DNMT1: variants seen among roughly 807,000 people sequenced by gnomAD.
DNMT1 encodes DNA methyltransferase 1.
DNMT1 carries 24 observed loss-of-function variants against 205.3 expected under a neutral mutation model. The observed-to-expected ratio is 0.12, with a 90% CI of 0.08 to 0.16. The LOEUF (loss-of-function observed/expected upper bound fraction) is 0.16, where lower values mean the gene tolerates loss of function less well. Among genes scored for constraint, DNMT1 ranks in the 10% least tolerant of loss-of-function variants. DNMT1 has a pLI of 1.00. For synonymous variants in DNMT1, 817 were observed against 839.8 expected, an observed-to-expected ratio of 0.97 and a Z score of 0.47; for missense variants, 1,293 against 2,177.7, an observed-to-expected ratio of 0.59 and a Z score of 8.09.
chr19:10,134,026 C>T (rs568324406), intron 40 of DNMT1, among the ~76,000 whole-genome samples, 191 bp downstream of exon 40: 7 of 152,356 alleles, frequency 4.6e-5, no homozygotes, highest in Non-Finnish European at 7.3e-5. Flanking sequence ...GTGCAGCACG[C>T]CTGCTCTAAG....
Position 10,137,749 on chromosome 19 carries a change from C to G in DNMT1, c.4293+83G>C. The G allele has an allele frequency of 6.5e-7, 1 of 1,543,280 alleles. No homozygotes were observed. The highest frequency in any genetic ancestry group is 1.2e-5 in the South Asian group (1 of 85,090). On this transcript the variant is annotated intron_variant, in intron 36 of 40. Coordinates refer to ENST00000359526, the MANE Select transcript of DNMT1 (RefSeq NM_001130823.3). The surrounding 1 kb of genome is among the most constrained non-coding windows in gnomAD (Gnocchi z 6.4). ...CCTGGGATCAGATTCCATGTCTCCCCTGAGTCTTGGGCAGGCTGACTGTTC... is the reference window on the plus strand; with the variant it reads ...CCTGGGATCAGATTCCATGTCTCCCGTGAGTCTTGGGCAGGCTGACTGTTC...
At chr19:10,187,845 A>G (rs1599408025) in intron 1 of DNMT1, among the ~76,000 whole-genome samples, 2 of 151,948 alleles carry the variant, frequency 1.3e-5, no homozygotes, top group African/African-American at 4.8e-5. Context: ...TCTACAAAAA[A>G]TAGTAATTAG....
At position 10,149,932 on chromosome 19, in the gene DNMT1, T is replaced by C. The variant is rs1272046307; in HGVS notation, c.2302A>G (p.Ile768Val). 1.9e-6 allele frequency: 3 copies of C among 1,614,200 alleles called. No individual in the cohort carries two copies. The highest frequency in any genetic ancestry group is 1.1e-5 in the South Asian group (1 of 91,090). ...GKKSYYKKVCIDAETLEVGDC... is the reference protein window; with the variant it reads ...GKKSYYKKVCVDAETLEVGDC... ...CCCACTTCCAGGGTTTCCGCATCAA[T>C]GCACACCTTCTTATAGTAACTCTTC... The change falls in exon 25 of 41, where the codon ATT becomes GTT. Residue 768 changes from isoleucine (I) to valine (V), a missense_variant. Physicochemically the swap from Ile to Val is conservative, Grantham distance 29. This residue lies in a region of DNMT1 where 197 missense variants were observed against 353.6 expected (regional missense o/e 0.56). Transcript: ENST00000359526.
chr19:10,168,861 G>A (rs560907831), intron 9 of DNMT1, among the ~76,000 whole-genome samples: 16 of 152,156 alleles, frequency 1.1e-4, no homozygotes, highest in African/African-American at 1.7e-4. Context: ...TTTATGAGAC[G>A]GAGTCTCACT....
intron 1 of DNMT1, among the ~76,000 whole-genome samples, chr19:10,189,872 G>A (rs965810965): frequency 6.6e-6 from 1 of 152,134 alleles, no homozygotes; most frequent in Non-Finnish European, 1.5e-5. Flanking sequence ...GAAGGGCTTT[G>A]GACAGGTGCT....
At chr19:10,178,766 A>G (rs558307396) in intron 5 of DNMT1, 1 of 151,940 alleles carries the variant, frequency 6.6e-6, no homozygotes, top group Non-Finnish European at 1.5e-5. Context: ...AATAAAACAA[A>G]ATAAAAATGA....
rs753326577 is a variant in DNMT1, at chr19:10,154,339, T to C, written c.1973A>G (p.Glu658Gly). Residue 658 changes from glutamate to glycine, a missense_variant, in exon 22 of 41, where the codon GAA (glutamate) becomes GGA (glycine). Physicochemically the swap from Glu to Gly is moderately conservative, Grantham distance 98. This residue lies in a region of DNMT1 where 197 missense variants were observed against 353.6 expected (regional missense o/e 0.56). Transcript: ENST00000359526. This position sits in a 1 kb window ranked among gnomAD's most constrained non-coding sequence, Gnocchi z 6.3. ...GCGCTTAAAGGCGTTCTCCTTGTCT[T>C]CTCTGTCATCCTTTTCAATTTGCTC... ...FAEQIEKDDR[E>G]DKENAFKRRR... 1 of 1,614,208 alleles carries C rather than the reference T, an allele frequency of 6.2e-7. No homozygotes were observed. Among genetic ancestry groups the C allele is most frequent in the Non-Finnish European group, 8.5e-7 (1 of 1,180,030 alleles).
rs2038222977 is a variant in DNMT1, at chr19:10,147,342, A to AG, written c.2721-819dup. On this transcript the variant is annotated intron_variant, in intron 27 of 40. Transcript: ENST00000359526. ...ATAAGTAAATGAGGTTGGGTGCAGTAGTTCATGCCTGTAATCCCAGCACTT... is the reference window on the plus strand; with the variant it reads ...ATAAGTAAATGAGGTTGGGTGCAGTAGGTTCATGCCTGTAATCCCAGCACTT... Among the ~76,000 whole-genome samples, 2 of 151,950 alleles carry AG rather than the reference A, an allele frequency of 1.3e-5. 1 individual carries two copies. Among genetic ancestry groups the AG allele is most frequent in the South Asian group, 4.1e-4 (2 of 4,820 alleles).
intron 14 of DNMT1, 65 bp downstream of exon 14, chr19:10,160,319 T>C: frequency 6.2e-7 from 1 of 1,607,424 alleles, no homozygotes; most frequent in Admixed American, 1.7e-5. Context: ...CCCTTCCCTT[T>C]TGTTCTAGAA....
chr19:10,188,247 A>G (rs1482973452), intron 1 of DNMT1, among the ~76,000 whole-genome samples: 3 of 152,160 alleles, frequency 2.0e-5, no homozygotes, highest in Non-Finnish European at 4.4e-5. Flanking sequence ...CAGTAGGCAA[A>G]AGAGTAGACC....
intron 12 of DNMT1, 71 bp downstream of exon 12, chr19:10,163,255 C>T (rs1333614630): frequency 3.8e-6 from 6 of 1,559,326 alleles, no homozygotes; most frequent in Non-Finnish European, 5.3e-6. Context: ...GTGCAAGCCA[C>T]CACACCTGGC....
intron 37 of DNMT1, 94 bp downstream of exon 37, chr19:10,136,991 G>A: frequency 6.6e-7 from 1 of 1,509,126 alleles, no homozygotes; most frequent in South Asian, 1.2e-5. Context: ...GTGTGTCTGT[G>A]CCCTGCCCTG....
Position 10,141,200 on chromosome 19 carries a change from G to C in DNMT1, c.3310-11C>G. ...CTTTGCATTATAGGCCTGAAAAGGAGAGAACTGCAATCGTTTGGGAGAGAA... is the reference window on the plus strand; with the variant it reads ...CTTTGCATTATAGGCCTGAAAAGGACAGAACTGCAATCGTTTGGGAGAGAA... On this transcript the variant is annotated splice_polypyrimidine_tract_variant and intron_variant, in intron 30 of 40. Transcript: ENST00000359526. The C allele has an allele frequency of 6.2e-7, 1 of 1,613,712 alleles. No homozygotes were observed. Among genetic ancestry groups the C allele is most frequent in the South Asian group, 1.1e-5 (1 of 91,058 alleles).
chr19:10,156,239 C>A lies in DNMT1; in HGVS notation c.1399+152G>T. The A allele has an allele frequency of 1.5e-6, 1 of 645,382 alleles. No individual in the cohort carries two copies. Among genetic ancestry groups the A allele is most frequent in the Non-Finnish European group, 2.8e-6 (1 of 357,310 alleles). The allele number at this position is 645,382 out of a possible 1,614,324, so 40.0% of individuals were successfully genotyped here. Reference sequence around the variant, plus strand: ...TATATTTTTTTTTAATAGAGGCAGGCTCTTGCTATGTTGTCCAGGCTCGTC... The same window carrying A: ...TATATTTTTTTTTAATAGAGGCAGGATCTTGCTATGTTGTCCAGGCTCGTC... On this transcript the variant is annotated intron_variant, in intron 18 of 40. Coordinates refer to ENST00000359526, the MANE Select transcript of DNMT1 (RefSeq NM_001130823.3). The surrounding 1 kb of genome is among the most constrained non-coding windows in gnomAD (Gnocchi z 4.2).
In DNMT1 at chr19:10,148,970, G is replaced by C. The variant is rs983707467; in HGVS notation, c.2634C>G (p.Thr878=). 1 of 1,614,134 alleles carries C rather than the reference G, an allele frequency of 6.2e-7. No homozygotes were observed. Among genetic ancestry groups the C allele is most frequent in the East Asian group, 2.2e-5 (1 of 44,890 alleles). Reference sequence around the variant, plus strand: ...GATCATACCACAGCTGGTAGAAGTAGGTCTTCCCGTCGTCCCCCTCCAGCA... The same window carrying C: ...GATCATACCACAGCTGGTAGAAGTACGTCTTCCCGTCGTCCCCCTCCAGCA... ...ESLLEGDDGK[T]YFYQLWYDQD... is the part of the protein sequence containing the mutation. The change falls in exon 27 of 41, where the codon ACC becomes ACG. Residue 878 remains threonine, a synonymous_variant. Coordinates refer to ENST00000359526, the MANE Select transcript of DNMT1 (RefSeq NM_001130823.3).
chr19:10,152,622 A>G (rs2038371998), intron 22 of DNMT1, among the ~76,000 whole-genome samples: 1 of 152,056 alleles, frequency 6.6e-6, no homozygotes, highest in African/African-American at 2.4e-5. Flanking sequence ...TTAGCTGGGC[A>G]TGGTGGCGTG....
chr19:10,164,913 T>TAAAA lies in DNMT1; in HGVS notation c.892-1557_892-1554dup, dbSNP rs535161745. Among the ~76,000 whole-genome samples the TAAAA allele has an allele frequency of 2.3e-4, 8 of 34,046 alleles. 1 individual carries two copies. Among genetic ancestry groups the TAAAA allele is most frequent in the Admixed American group, 9.4e-4 (2 of 2,132 alleles). The allele number at this position is 34,046 out of a possible 152,430, so 22.3% of individuals were successfully genotyped here. ...ATTGCATGACAGAGAGAGACTATCT[T>TAAAA]AAAAAAAAAAAAAAAAAAAAAAAAA... On this transcript the variant is annotated intron_variant, in intron 11 of 40. Transcript: ENST00000359526.
At position 10,180,237 on chromosome 19, in the gene DNMT1, G is replaced by C. The variant is rs1433805574; in HGVS notation, c.446-3C>G. The C allele has an allele frequency of 7.7e-7, 1 of 1,304,090 alleles. No individual in the cohort carries two copies. The highest frequency in any genetic ancestry group is 1.5e-5 in the African/African-American group (1 of 68,478). 80.8% of individuals were successfully genotyped at this position (1,304,090 alleles called of 1,614,324 possible). On this transcript the variant is annotated splice_region_variant and splice_polypyrimidine_tract_variant and intron_variant, in intron 4 of 40. Coordinates refer to ENST00000359526, the MANE Select transcript of DNMT1 (RefSeq NM_001130823.3). ...TGAGGCAGGAGGGTCTCTTGAACCT[G>C]GGAGGCAGAGGTTACAGTGAGCCGA...
At chr19:10,183,099 ATATATACGTGTGTATATATATATATAT>A (rs1271675060) in intron 1 of DNMT1, among the ~76,000 whole-genome samples, 45 of 143,442 alleles carry the variant, frequency 3.1e-4, no homozygotes, top group African/African-American at 1.2e-3. Context: ...ATATACACGT[ATATATACGTGTGTATATATATATATAT>A]TTTTTTTTTT....
Sources: allele counts gnomAD v4.1 joint callset (sites outside exome capture counted in the v4.1 genomes callset), GRCh38; gene constraint gnomAD v4.1.1; regional missense constraint gnomAD v4.1.1; non-coding constraint Gnocchi (gnomAD v3.1); transcripts MANE v1.5; gene names NCBI Gene and HGNC (gene_info 2026-07-23, HGNC 2026-07-21).